GMDS: variants seen among roughly 807,000 people sequenced by gnomAD.
The protein encoded by GMDS is GDP-mannose 4,6-dehydratase, also known as GDP-mannose 4,6 dehydratase.
In GMDS, 20 loss-of-function variants were observed where a neutral mutation model predicts 49.9. The observed-to-expected ratio is 0.40, with a 90% CI of 0.28 to 0.58. GMDS has a LOEUF of 0.58. Among genes scored for constraint, GMDS ranks in the 20% least tolerant of loss-of-function variants. GMDS has a pLI of 0.42. For missense variants in GMDS, 362 were observed against 481.4 expected, an observed-to-expected ratio of 0.75 and a Z score of 2.32; for synonymous variants, 177 against 178.6, an observed-to-expected ratio of 0.99 and a Z score of 0.07.
chr6:2,025,357 GGTGTGTGT>G (rs200096039), intron 4 of GMDS, among the ~76,000 whole-genome samples: 11,885 of 136,502 alleles, frequency 0.087, 567 homozygotes, highest in African/African-American at 0.1. Flanking sequence ...CTGATGGTGG[GGTGTGTGT>G]GTGTGTGTGT....
At chr6:2,094,372 A>G (rs565753144) in intron 4 of GMDS, among the ~76,000 whole-genome samples, 7 of 152,400 alleles carry the variant, frequency 4.6e-5, no homozygotes, top group Admixed American at 6.5e-5. Flanking sequence ...TATTAACTGT[A>G]TAAGTGGGGC....
At chr6:1,772,258 G>C (rs1391876664) in intron 7 of GMDS, among the ~76,000 whole-genome samples, 1 of 152,202 alleles carries the variant, frequency 6.6e-6, no homozygotes, top group African/African-American at 2.4e-5. Flanking sequence ...GTAGGACAAG[G>C]AAGGAATATG....
chr6:1,977,445 A>G (rs575353727), intron 4 of GMDS, among the ~76,000 whole-genome samples: 1 of 152,304 alleles, frequency 6.6e-6, no homozygotes, highest in Admixed American at 6.5e-5. Flanking sequence ...CCAACATTCA[A>G]TGTTCAATTC....
In GMDS at chr6:1,624,205, G is replaced by C. The variant is rs756179703; in HGVS notation, c.1083C>G (p.Ala361=). 8.1e-6 allele frequency: 13 copies of C among 1,610,908 alleles called. No homozygotes were observed. In the South Asian group the frequency reaches 1.2e-4, roughly 15 times the overall value. The change falls in exon 11 of 11, where the codon GCC becomes GCG. Residue 361 remains alanine (A), a synonymous_variant. Transcript: ENST00000380815. ...FDELVREMVH[A]DVELMRTNPN... is the part of the protein sequence containing the mutation. ...GGTTTGTCCTCATGAGCTCCACGTC[G>C]GCGTGCACCATCTCCCTCACCAGCT...
At chr6:2,119,662 T>C (rs1775036011) in intron 2 of GMDS, among the ~76,000 whole-genome samples, 1 of 152,184 alleles carries the variant, frequency 6.6e-6, no homozygotes, top group East Asian at 1.9e-4. Flanking sequence ...TTTGTTTTTA[T>C]AAGGATTTTG....
intron 9 of GMDS, among the ~76,000 whole-genome samples, chr6:1,685,045 A>T (rs560555667): frequency 7.9e-5 from 12 of 151,100 alleles, no homozygotes; most frequent in African/African-American, 2.7e-4. Flanking sequence ...TACCCACCTT[A>T]AAAAAAAGGT....
chr6:1,937,257 G>A (rs139842891), intron 6 of GMDS, among the ~76,000 whole-genome samples: 1,692 of 152,214 alleles, frequency 0.011, 38 homozygotes, highest in Non-Finnish European at 0.01. Context: ...GTTCCGTGAC[G>A]CATGACTGTA....
intron 7 of GMDS, among the ~76,000 whole-genome samples, chr6:1,870,261 T>C (rs374028535): frequency 4.6e-5 from 7 of 152,226 alleles, no homozygotes; most frequent in African/African-American, 1.7e-4. Flanking sequence ...GTGCACTTGG[T>C]GGTGACAGCT....
chr6:2,185,418 C>A (rs1778736154), intron 1 of GMDS, among the ~76,000 whole-genome samples: 1 of 152,146 alleles, frequency 6.6e-6, no homozygotes, highest in Non-Finnish European at 1.5e-5. Context: ...TATTGTACAC[C>A]AACCAAATAT....
chr6:1,986,061 T>G (rs1765526199), intron 4 of GMDS, among the ~76,000 whole-genome samples: 1 of 152,196 alleles, frequency 6.6e-6, no homozygotes, highest in African/African-American at 2.4e-5. Flanking sequence ...AGAAAACTAG[T>G]GAGGGACCAT....
In GMDS at chr6:2,239,093, C is replaced by T. The variant is rs527384005; in HGVS notation, c.102+6228G>A. On this transcript the variant is annotated intron_variant, in intron 1 of 10. Transcript: ENST00000380815. ...CCTATAATCCCAGCACTTTGGGAGG[C>T]CAAGGTGGGCGGATGACTTGAGGCC... 5.9e-5 allele frequency among the ~76,000 whole-genome samples: 9 copies of T among 152,262 alleles called. No homozygotes were observed. The South Asian group carries it at 1.7e-3, about 28-fold the overall frequency.
intron 7 of GMDS, among the ~76,000 whole-genome samples, chr6:1,828,978 A>T (rs1417667227): frequency 3.9e-5 from 6 of 152,238 alleles, no homozygotes; most frequent in Admixed American, 3.3e-4. Context: ...CATATTTTGT[A>T]TATGTGTACC....
At chr6:1,740,194 A>T (rs1211485803) in intron 8 of GMDS, among the ~76,000 whole-genome samples, 7 of 152,154 alleles carry the variant, frequency 4.6e-5, no homozygotes, top group East Asian at 1.9e-4. Context: ...AAAATATGTT[A>T]GAGAGTTATT....
intron 7 of GMDS, among the ~76,000 whole-genome samples, chr6:1,926,012 T>A (rs1241104234): frequency 6.6e-6 from 1 of 152,092 alleles, no homozygotes. Flanking sequence ...TATGCCGAGT[T>A]TGGCTGGGGC....
chr6:2,175,540 CAGCTTGGGA>C (rs750318621), intron 1 of GMDS, among the ~76,000 whole-genome samples: 4 of 152,190 alleles, frequency 2.6e-5, no homozygotes, highest in Non-Finnish European at 5.9e-5. Context: ...TACTATACCT[CAGCTTGGGA>C]AGAACCAAGA....
At chr6:2,061,207 C>A (rs1480594440) in intron 4 of GMDS, among the ~76,000 whole-genome samples, 1 of 152,048 alleles carries the variant, frequency 6.6e-6, no homozygotes, top group African/African-American at 2.4e-5. Context: ...TGGAACCAGA[C>A]CCTGGAAACC....
intron 7 of GMDS, among the ~76,000 whole-genome samples, chr6:1,909,536 C>T (rs1478989559): frequency 6.6e-6 from 1 of 152,134 alleles, no homozygotes; most frequent in East Asian, 1.9e-4. Context: ...TTGAGTGGGG[C>T]CCAGTAGTCA....
At chr6:1,971,617 A>T (rs1378997052) in intron 4 of GMDS, among the ~76,000 whole-genome samples, 1 of 152,142 alleles carries the variant, frequency 6.6e-6, no homozygotes, top group Non-Finnish European at 1.5e-5. Flanking sequence ...ACAAGGTAAC[A>T]ATCCCCAAAC....
At chr6:2,094,745 G>T (rs1773500543) in intron 4 of GMDS, among the ~76,000 whole-genome samples, 1 of 152,158 alleles carries the variant, frequency 6.6e-6, no homozygotes, top group African/African-American at 2.4e-5. Context: ...TCACCAGAAA[G>T]CAGCCCAAAT....
Sources: gnomAD v4.1 joint callset for allele counts (sites outside exome capture counted in the v4.1 genomes callset) on GRCh38, gnomAD v4.1.1 for gene constraint, MANE v1.5 for transcripts, NCBI Gene and HGNC (gene_info 2026-07-23, HGNC 2026-07-21) for gene names.